The following CCDC90B variants were observed in gnomAD, a reference collection of about 807,000 sequenced individuals.
The protein encoded by CCDC90B is coiled-coil domain-containing protein 90B, mitochondrial.
CCDC90B carries 24 observed loss-of-function variants against 37.0 expected under a neutral mutation model. The ratio of observed to expected loss-of-function variants is 0.65; its 90% CI spans 0.47 to 0.91. The LOEUF (loss-of-function observed/expected upper bound fraction) is 0.91, where lower values mean the gene tolerates loss of function less well. Ranked by LOEUF, CCDC90B falls within the 40% of genes least tolerant of loss-of-function variation. The pLI is 0.00. For synonymous variants in CCDC90B, 113 were observed against 101.1 expected, an observed-to-expected ratio of 1.12 and a Z score of -0.71; for missense variants, 319 against 299.0, an observed-to-expected ratio of 1.07 and a Z score of -0.49.
At chr11:83,274,271 T>G (rs944840478) in intron 4 of CCDC90B, 1 of 315,986 alleles carries the variant, frequency 3.2e-6, no homozygotes, top group African/African-American at 2.1e-5. Flanking sequence ...AATTCTGACT[T>G]AATTACAGAA....
At position 83,261,736 on chromosome 11, in the gene CCDC90B, A is replaced by T. The variant is rs1259401462; in HGVS notation, c.*175T>A. 4 of 498,082 alleles carry T rather than the reference A, an allele frequency of 8.0e-6. No homozygotes were observed. The highest frequency in any genetic ancestry group is 6.1e-4 in the Middle Eastern group (2 of 3,278). The allele number at this position is 498,082 out of a possible 1,614,324, so 30.9% of individuals were successfully genotyped here. On this transcript the variant is annotated 3_prime_UTR_variant, in exon 9 of 9. Transcript: ENST00000529689. Reference sequence around the variant, plus strand: ...AAGACACACACCTGCACTCACACACACACAATAAAGACACAGTATCTCTTC... The same window carrying T: ...AAGACACACACCTGCACTCACACACTCACAATAAAGACACAGTATCTCTTC...
intron 7 of CCDC90B, 28 bp from the exon 8 acceptor site, chr11:83,266,007 A>T: frequency 8.1e-7 from 1 of 1,228,468 alleles, no homozygotes; most frequent in Non-Finnish European, 1.2e-6. Context: ...AAGAGAACTT[A>T]ATTTTGTCCC....
Position 83,285,962 on chromosome 11 carries a change from C to G in CCDC90B, c.11G>C (p.Arg4Pro). 5 of 1,611,330 alleles carry G rather than the reference C, an allele frequency of 3.1e-6. No homozygotes were observed. The South Asian group carries it at 5.5e-5, about 18-fold the overall frequency. ...GGAGAGAAAGAGCCGCCAAGCCTGG[C>G]GACTATTCATGTCCTCAGAGTTTTC... MNS[R>P]QAWRLFLSQG... The change falls in exon 1 of 9, where the codon CGC (arginine) becomes CCC (proline). Residue 4 changes from arginine (R) to proline (P), a missense_variant. Physicochemically the swap from Arg to Pro is moderately radical, Grantham distance 103. Coordinates refer to ENST00000529689, the MANE Select transcript of CCDC90B (RefSeq NM_021825.5).
rs909820909 is a variant in CCDC90B at position 83,261,919 on chromosome 11, A to G, written c.757T>C (p.Trp253Arg). Reference sequence around the variant, plus strand: ...CAGGATGAGCATTAATACTACTTCCAGAATCTATAAAATCCCAATGCTATT... The same window carrying G: ...CAGGATGAGCATTAATACTACTTCCGGAATCTATAAAATCCCAATGCTATT... ...LAIALGFYRF[W>R]K is the part of the protein sequence containing the mutation. Residue 253 changes from tryptophan (W) to arginine (R), a missense_variant, in exon 9 of 9, where the codon TGG becomes CGG. Trp to Arg is a moderately radical substitution (Grantham distance 101). Transcript: ENST00000529689. 5 of 1,605,556 alleles carry G rather than the reference A, an allele frequency of 3.1e-6. No homozygotes were observed. Among genetic ancestry groups the G allele is most frequent in the Non-Finnish European group, 3.4e-6 (4 of 1,175,538 alleles).
chr11:83,280,042 TTTAG>T, intron 2 of CCDC90B, 95 bp downstream of exon 2: 1 of 1,172,998 alleles, frequency 8.5e-7, no homozygotes, highest in Non-Finnish European at 1.2e-6. Context: ...GGTACATCTA[TTTAG>T]TTACTTTTGA....
At chr11:83,262,960 CTACTT>C (rs1254620644) in intron 8 of CCDC90B, among the ~76,000 whole-genome samples, 1 of 152,178 alleles carries the variant, frequency 6.6e-6, no homozygotes, top group Admixed American at 6.5e-5. Flanking sequence ...ATTACACACA[CTACTT>C]TATTTAACCA....
intron 1 of CCDC90B, 96 bp from the exon 2 acceptor site, chr11:83,280,356 G>T: frequency 9.2e-7 from 1 of 1,086,964 alleles, no homozygotes; most frequent in South Asian, 1.5e-5. Context: ...TTATAATATA[G>T]TTCCAGCTCT....
chr11:83,268,612 T>C (rs919640790), intron 7 of CCDC90B, among the ~76,000 whole-genome samples: 2 of 152,072 alleles, frequency 1.3e-5, no homozygotes, highest in Admixed American at 6.5e-5. Context: ...ATAAAGCAAG[T>C]CCTTAGAAAC....
rs61900306 is a variant in CCDC90B at position 83,276,188 on chromosome 11, C to A, written c.325-1448G>T. Among the ~76,000 whole-genome samples, 3 of 152,152 alleles carry A rather than the reference C, an allele frequency of 2.0e-5. 1 individual carries two copies. Among genetic ancestry groups the A allele is most frequent in the Non-Finnish European group, 2.9e-5 (2 of 68,046 alleles). ...TATGAGAATTAATTCAGAAGTCACA[C>A]AGATGTGGCCTCTAGGGGCTGGCAG... On this transcript the variant is annotated intron_variant, in intron 3 of 8. Transcript: ENST00000529689.
rs181892835 is a variant in CCDC90B, at chr11:83,285,506, T to C, written c.100+367A>G. On this transcript the variant is annotated intron_variant, in intron 1 of 8. Coordinates refer to ENST00000529689, the MANE Select transcript of CCDC90B (RefSeq NM_021825.5). Reference sequence around the variant, plus strand: ...GCACCTAAAAAAACAAAATCAAAATTTGATCAGGCCACAAAAGAAAACAGG... The same window carrying C: ...GCACCTAAAAAAACAAAATCAAAATCTGATCAGGCCACAAAAGAAAACAGG... The C allele has an allele frequency of 3.5e-6, 4 of 1,127,732 alleles. No homozygotes were observed. In the African/African-American group the frequency reaches 4.9e-5, roughly 14 times the overall value. The allele number at this position is 1,127,732 out of a possible 1,614,324, so 69.9% of individuals were successfully genotyped here.
In CCDC90B at chr11:83,265,856, C is replaced by A; in HGVS notation, c.709+9G>T. 6.5e-7 allele frequency: 1 copy of A among 1,537,166 alleles called. No homozygotes were observed. The highest frequency in any genetic ancestry group is 9.0e-7 in the Non-Finnish European group (1 of 1,114,806). ...AGATGACAGCAATTTCTTTCTCTGA[C>A]AGTCTTACCTGCAAGATAACGAATT... On this transcript the variant is annotated intron_variant, in intron 8 of 8. Transcript: ENST00000529689.
intron 1 of CCDC90B, among the ~76,000 whole-genome samples, chr11:83,282,081 T>C (rs142723391): frequency 8.7e-4 from 133 of 152,334 alleles, no homozygotes; most frequent in Admixed American, 1.5e-3. Flanking sequence ...ACACAAAGCC[T>C]ACTTTATAAT....
intron 2 of CCDC90B, among the ~76,000 whole-genome samples, chr11:83,279,121 A>C (rs1415618630): frequency 6.6e-6 from 1 of 152,042 alleles, no homozygotes; most frequent in Non-Finnish European, 1.5e-5. Context: ...ATCTGTACTA[A>C]ATATACAAAA....
chr11:83,285,578 C>G (rs554664006), intron 1 of CCDC90B: 1 of 1,267,906 alleles, frequency 7.9e-7, no homozygotes, highest in Admixed American at 3.9e-5. Flanking sequence ...GACGAGATTA[C>G]TAGCCTCTTG....
chr11:83,266,021 G>A (rs1450644456), intron 7 of CCDC90B, 42 bp from the exon 8 acceptor site: 2 of 1,020,834 alleles, frequency 2.0e-6, no homozygotes, highest in South Asian at 1.3e-5. Context: ...TTGTCCCTAT[G>A]TATTAAATGG....
chr11:83,274,560 C>A (rs1565215014), intron 4 of CCDC90B, 79 bp downstream of exon 4: 4 of 766,576 alleles, frequency 5.2e-6, no homozygotes, highest in Non-Finnish European at 8.4e-6. Context: ...ATTACTTGGT[C>A]TTATTAACTT....
chr11:83,278,789 T>TA lies in CCDC90B; in HGVS notation c.260dup (p.Leu87PhefsTer14), dbSNP rs751454918. The TA allele has an allele frequency of 7.4e-6, 12 of 1,613,662 alleles. No individual in the cohort carries two copies. The highest frequency in any genetic ancestry group is 9.3e-6 in the Non-Finnish European group (11 of 1,179,782). On this transcript the variant is annotated frameshift_variant, in exon 3 of 9. Transcript: ENST00000529689. LOFTEE classifies it high-confidence loss of function. ...CCAGGCTGACATTTGATAAAGCAGTTAACGCTGATACAATTGTTTCTGCTT... is the reference window on the plus strand; with the variant it reads ...CCAGGCTGACATTTGATAAAGCAGTTAAACGCTGATACAATTGTTTCTGCTT...
chr11:83,280,111 C>G (rs1212046525), intron 2 of CCDC90B, 30 bp downstream of exon 2: 1 of 1,599,400 alleles, frequency 6.3e-7, no homozygotes, highest in Non-Finnish European at 8.5e-7. Flanking sequence ...TATTAATTTT[C>G]TTCTTTCAGG....
Position 83,278,848 on chromosome 11 carries a change from T to TAAA in CCDC90B, c.221-20_221-19insTTT. 1 of 1,511,938 alleles carries TAAA rather than the reference T, an allele frequency of 6.6e-7. No individual in the cohort carries two copies. Among genetic ancestry groups the TAAA allele is most frequent in the East Asian group, 2.3e-5 (1 of 44,278 alleles). The allele number at this position is 1,511,938 out of a possible 1,614,324, so 93.7% of individuals were successfully genotyped here. ...TCAAATCCTGTAGGCAGCAAATAGG[T>TAAA]ATTTTATTTTTTTTAAAGTGTATAT... On this transcript the variant is annotated intron_variant, in intron 2 of 8. Coordinates refer to ENST00000529689, the MANE Select transcript of CCDC90B (RefSeq NM_021825.5).
Sources: allele counts gnomAD v4.1 joint callset (sites outside exome capture counted in the v4.1 genomes callset), GRCh38; gene constraint gnomAD v4.1.1; transcripts MANE v1.5; gene names NCBI Gene and HGNC (gene_info 2026-07-23, HGNC 2026-07-21).